SMYD3: variants seen among roughly 807,000 people sequenced by gnomAD.
The protein encoded by SMYD3 is SET and MYND domain containing 3.
SMYD3 carries 36 observed loss-of-function variants against 57.7 expected under a neutral mutation model. That is an observed-to-expected ratio of 0.62 (90% CI 0.48 to 0.82). The LOEUF is 0.82. SMYD3 is among the 40% of genes least tolerant of loss of function. The pLI is 0.00. For synonymous variants in SMYD3, 211 were observed against 195.0 expected, an observed-to-expected ratio of 1.08 and a Z score of -0.68; for missense variants, 515 against 538.8, an observed-to-expected ratio of 0.96 and a Z score of 0.44.
intron 5 of SMYD3, among the ~76,000 whole-genome samples, chr1:246,179,416 T>C (rs1558292978): frequency 6.6e-6 from 1 of 152,236 alleles, no homozygotes; most frequent in Admixed American, 6.5e-5. Context: ...GTCCTACATA[T>C]AAATCTGTCA....
At chr1:246,241,211 T>A (rs1213516108) in intron 5 of SMYD3, among the ~76,000 whole-genome samples, 1 of 152,214 alleles carries the variant, frequency 6.6e-6, no homozygotes, top group Non-Finnish European at 1.5e-5. Flanking sequence ...CCATTCAGTA[T>A]GATACTGGCT....
intron 10 of SMYD3, among the ~76,000 whole-genome samples, chr1:245,775,437 T>C (rs1478358427): frequency 6.6e-6 from 1 of 151,830 alleles, no homozygotes; most frequent in African/African-American, 2.4e-5. Flanking sequence ...CTCTGAAACA[T>C]GTGCTGTGTC....
chr1:246,270,807 G>C (rs1257232802), intron 5 of SMYD3, among the ~76,000 whole-genome samples: 1 of 152,184 alleles, frequency 6.6e-6, no homozygotes, highest in Non-Finnish European at 1.5e-5. Context: ...TTGAGATCCT[G>C]CTTTCAATTC....
intron 10 of SMYD3, among the ~76,000 whole-genome samples, chr1:245,824,780 C>T (rs904773778): frequency 6.6e-6 from 1 of 150,596 alleles, no homozygotes; most frequent in East Asian, 2.0e-4. Flanking sequence ...TGCTTGAACC[C>T]AGGAGATGGA....
chr1:245,828,298 T>C (rs561725916), intron 10 of SMYD3, among the ~76,000 whole-genome samples: 4 of 152,286 alleles, frequency 2.6e-5, no homozygotes, highest in Admixed American at 2.0e-4. Context: ...AAATTAACAT[T>C]ATTAAAGGAT....
At chr1:245,862,015 C>T (rs2051575387) in intron 9 of SMYD3, among the ~76,000 whole-genome samples, 1 of 152,088 alleles carries the variant, frequency 6.6e-6, no homozygotes, top group Admixed American at 6.6e-5. Flanking sequence ...CCAGGGACCA[C>T]ACAGAACAGG....
At chr1:246,010,515 T>C (rs1049855430) in intron 5 of SMYD3, among the ~76,000 whole-genome samples, 2 of 152,200 alleles carry the variant, frequency 1.3e-5, no homozygotes, top group African/African-American at 4.8e-5. Context: ...TCCTACTACT[T>C]TGGTTTACTT....
At chr1:245,877,066 AGAG>A (rs1049438576) in intron 8 of SMYD3, among the ~76,000 whole-genome samples, 1 of 152,192 alleles carries the variant, frequency 6.6e-6, no homozygotes, top group Non-Finnish European at 1.5e-5. Context: ...GGCCAGTAGC[AGAG>A]AAGAGAAAGA....
rs573494846 is a variant in SMYD3 at position 246,207,735 on chromosome 1, G to A, written c.531+119466C>T. Reference sequence around the variant, plus strand: ...CATGTTTTTTCAATTCTAAGTGGAAGGAAGAAAAATAAATCACATGTGCCT... The same window carrying A: ...CATGTTTTTTCAATTCTAAGTGGAAAGAAGAAAAATAAATCACATGTGCCT... On this transcript the variant is annotated intron_variant, in intron 5 of 11. Coordinates refer to ENST00000490107, the MANE Select transcript of SMYD3 (RefSeq NM_001167740.2). Among the ~76,000 whole-genome samples the A allele has an allele frequency of 1.3e-4, 20 of 152,220 alleles. 1 individual carries two copies. In the South Asian group the frequency reaches 4.1e-3, roughly 32 times the overall value.
At chr1:245,861,973 G>T (rs2051571585) in intron 9 of SMYD3, among the ~76,000 whole-genome samples, 1 of 145,342 alleles carries the variant, frequency 6.9e-6, no homozygotes, top group Non-Finnish European at 1.5e-5. Flanking sequence ...ACTGAACTCT[G>T]GCTGGGTTAT....
chr1:246,478,250 T>G (rs1042214395), intron 1 of SMYD3, among the ~76,000 whole-genome samples: 1 of 152,286 alleles, frequency 6.6e-6, no homozygotes, highest in African/African-American at 2.4e-5. Flanking sequence ...ACTGCATCTT[T>G]GGACAGTCAC....
intron 5 of SMYD3, among the ~76,000 whole-genome samples, chr1:246,019,838 C>T (rs2059439831): frequency 6.6e-6 from 1 of 151,922 alleles, no homozygotes; most frequent in East Asian, 1.9e-4. Context: ...AACAGTATTA[C>T]AAATAAAATT....
At chr1:245,804,409 C>T (rs903469265) in intron 10 of SMYD3, among the ~76,000 whole-genome samples, 2 of 151,870 alleles carry the variant, frequency 1.3e-5, no homozygotes, top group Non-Finnish European at 2.9e-5. Context: ...GGTGAAACCC[C>T]ATCTCTACTA....
intron 5 of SMYD3, among the ~76,000 whole-genome samples, chr1:245,972,425 T>C (rs1366182686): frequency 2.0e-5 from 3 of 152,156 alleles, no homozygotes; most frequent in Non-Finnish European, 4.4e-5. Flanking sequence ...AATCTGCACC[T>C]CCCCCTTACA....
intron 5 of SMYD3, among the ~76,000 whole-genome samples, chr1:246,006,385 G>T (rs150884274): frequency 7.0e-4 from 106 of 152,212 alleles, no homozygotes; most frequent in Middle Eastern, 3.4e-3. Flanking sequence ...TATCCAGGCT[G>T]GACCCACGTA....
intron 1 of SMYD3, among the ~76,000 whole-genome samples, chr1:246,438,578 C>T (rs2067416072): frequency 6.6e-6 from 1 of 152,092 alleles, no homozygotes; most frequent in Non-Finnish European, 1.5e-5. Context: ...TGCTCAAGTC[C>T]CTTCTATAAA....
At chr1:245,867,969 C>T (rs1487395868) in intron 8 of SMYD3, among the ~76,000 whole-genome samples, 1 of 152,224 alleles carries the variant, frequency 6.6e-6, no homozygotes, top group Non-Finnish European at 1.5e-5. Context: ...CCCCACTTAA[C>T]TGTAAGCTCT....
intron 5 of SMYD3, among the ~76,000 whole-genome samples, chr1:245,940,930 C>T (rs936148228): frequency 1.3e-5 from 2 of 152,126 alleles, no homozygotes; most frequent in Non-Finnish European, 2.9e-5. Context: ...TAAAACATTA[C>T]AGGAGCTATT....
chr1:246,434,578 A>C (rs1022258401), intron 1 of SMYD3, among the ~76,000 whole-genome samples: 2 of 152,210 alleles, frequency 1.3e-5, no homozygotes, highest in Non-Finnish European at 2.9e-5. Flanking sequence ...GAGAAATGCA[A>C]ATCAAAACCA....
Sources: allele counts gnomAD v4.1 joint callset (sites outside exome capture counted in the v4.1 genomes callset), GRCh38; gene constraint gnomAD v4.1.1; transcripts MANE v1.5; gene names NCBI Gene and HGNC (gene_info 2026-07-23, HGNC 2026-07-21).